CRYBA4: variants seen among roughly 807,000 people sequenced by gnomAD.
CRYBA4 encodes the protein crystallin beta A4.
A neutral mutation model predicts 31.7 loss-of-function variants in CRYBA4; 30 were observed. The ratio of observed to expected loss-of-function variants is 0.95; its 90% CI spans 0.71 to 1.28. CRYBA4 has a LOEUF of 1.28. CRYBA4 is among the 50% of genes most tolerant of loss of function. The pLI is 0.00. For synonymous variants in CRYBA4, 102 were observed against 102.3 expected, an observed-to-expected ratio of 1.00 and a Z score of 0.02; for missense variants, 225 against 260.7, an observed-to-expected ratio of 0.86 and a Z score of 0.94.
chr22:26,605,930 G>A, the CRYBA4 span, among the ~76,000 whole-genome samples: 2 of 152,096 alleles, frequency 1.3e-5, no homozygotes, highest in East Asian at 1.9e-4. Flanking sequence ...TTTAACCTGC[G>A]GCCTGCAGGC....
the CRYBA4 span, among the ~76,000 whole-genome samples, chr22:26,605,140 T>C: frequency 2.0e-5 from 3 of 152,212 alleles, no homozygotes; most frequent in African/African-American, 7.2e-5. Flanking sequence ...GCTTCCCTGA[T>C]GACCCCCTGA....
At chr22:26,621,777 C>T (rs565583962), upstream of CRYBA4, among the ~76,000 whole-genome samples, 1 of 152,186 alleles carries the variant, frequency 6.6e-6, no homozygotes, top group South Asian at 2.1e-4. Context: ...TGGCTGATCC[C>T]TGGGGGTGGT....
intron 4 of CRYBA4, among the ~76,000 whole-genome samples, chr22:26,628,004 A>G (rs1268496383): frequency 2.0e-5 from 3 of 152,028 alleles, no homozygotes; most frequent in Non-Finnish European, 4.4e-5. Flanking sequence ...TGGATCCCCA[A>G]TTTTGGACAT....
At chr22:26,621,063 A>AGTAT (rs1569209601), upstream of CRYBA4, among the ~76,000 whole-genome samples, 1 of 152,138 alleles carries the variant, frequency 6.6e-6, no homozygotes, top group African/African-American at 2.4e-5. Context: ...TTTACACACA[A>AGTAT]GTATGTATGT....
chr22:26,611,104 C>T, the CRYBA4 span, among the ~76,000 whole-genome samples: 9 of 152,190 alleles, frequency 5.9e-5, no homozygotes, highest in Non-Finnish European at 1.5e-5. Flanking sequence ...GAGACACCCA[C>T]AGAGACAGGA....
At chr22:26,596,498 A>G in the CRYBA4 span, 2 of 152,272 alleles carry the variant, frequency 1.3e-5, no homozygotes, top group African/African-American at 2.4e-5. Flanking sequence ...TGTTAAATCT[A>G]AATAAGTTGA....
the CRYBA4 span, among the ~76,000 whole-genome samples, chr22:26,593,113 T>G: frequency 6.6e-6 from 1 of 152,134 alleles, no homozygotes; most frequent in Non-Finnish European, 1.5e-5. Flanking sequence ...AATAATTCAT[T>G]CCTCCTGTCT....
the CRYBA4 span, among the ~76,000 whole-genome samples, chr22:26,604,693 C>T: frequency 6.6e-6 from 1 of 152,240 alleles, no homozygotes; most frequent in Admixed American, 6.5e-5. Context: ...TCTGTGTGGC[C>T]AGGGTGCAGG....
intron 3 of CRYBA4, 120 bp from the exon 4 acceptor site, chr22:26,625,361 C>A: frequency 8.4e-7 from 1 of 1,191,302 alleles, no homozygotes; most frequent in Non-Finnish European, 1.2e-6. Context: ...TCAAGTGTTT[C>A]CTGGGGGCAC....
upstream of CRYBA4, chr22:26,618,011 AG>A (rs978866990): frequency 3.3e-5 from 5 of 153,374 alleles, no homozygotes; most frequent in African/African-American, 1.2e-4. Flanking sequence ...GAGGACAGGC[AG>A]GCGGGCAGGT....
At chr22:26,613,124 C>CA in the CRYBA4 span, among the ~76,000 whole-genome samples, 1 of 152,224 alleles carries the variant, frequency 6.6e-6, no homozygotes, top group Non-Finnish European at 1.5e-5. Context: ...GCTCAGGAGA[C>CA]ACTTGCAAAT....
intron 3 of CRYBA4, among the ~76,000 whole-genome samples, chr22:26,624,173 T>C (rs956191761): frequency 6.6e-6 from 1 of 151,224 alleles, no homozygotes; most frequent in East Asian, 1.9e-4. Context: ...GTTGGAAAGA[T>C]GTGGCCAGTA....
At chr22:26,590,898 C>T in the CRYBA4 span, among the ~76,000 whole-genome samples, 1 of 152,186 alleles carries the variant, frequency 6.6e-6, no homozygotes, top group Non-Finnish European at 1.5e-5. Context: ...CCTTTCAGTG[C>T]TTCTGCTTCT....
At chr22:26,627,742 A>G (rs1041477357) in intron 4 of CRYBA4, among the ~76,000 whole-genome samples, 5 of 151,244 alleles carry the variant, frequency 3.3e-5, no homozygotes, top group Non-Finnish European at 7.4e-5. Flanking sequence ...TCTGCCTCCC[A>G]GGTTCAAGCG....
At chr22:26,609,063 C>T in the CRYBA4 span, among the ~76,000 whole-genome samples, 1 of 152,132 alleles carries the variant, frequency 6.6e-6, no homozygotes, top group African/African-American at 2.4e-5. Context: ...AAAGCTGAGA[C>T]TAAGGAACTC....
the CRYBA4 span, among the ~76,000 whole-genome samples, chr22:26,598,582 C>T: frequency 6.6e-6 from 1 of 152,000 alleles, no homozygotes; most frequent in Non-Finnish European, 1.5e-5. Context: ...TGGGGTTTCG[C>T]GATGTTGGCC....
the CRYBA4 span, among the ~76,000 whole-genome samples, chr22:26,611,469 G>T: frequency 5.4e-3 from 713 of 133,142 alleles, 9 homozygotes; most frequent in African/African-American, 0.012. Context: ...TTTTTTTTTT[G>T]TTTTTTTTTT....
chr22:26,593,870 T>G, the CRYBA4 span, among the ~76,000 whole-genome samples: 1 of 152,194 alleles, frequency 6.6e-6, no homozygotes, highest in Non-Finnish European at 1.5e-5. Flanking sequence ...CTAAACACCT[T>G]ATAATTATTA....
At chr22:26,593,462 A>C in the CRYBA4 span, among the ~76,000 whole-genome samples, 1 of 151,230 alleles carries the variant, frequency 6.6e-6, no homozygotes, top group African/African-American at 2.4e-5. Context: ...ACATGGTGAG[A>C]CCTTGTCTCT....
Sources: gnomAD v4.1 joint callset for allele counts (sites outside exome capture counted in the v4.1 genomes callset) on GRCh38, gnomAD v4.1.1 for gene constraint, MANE v1.5 for transcripts, NCBI Gene and HGNC (gene_info 2026-07-23, HGNC 2026-07-21) for gene names.